ITPR1: variants seen among roughly 807,000 people sequenced by gnomAD.
ITPR1 encodes the protein inositol 1,4,5-trisphosphate-gated calcium channel ITPR1.
Under a neutral mutation model 318.4 loss-of-function variants are expected in ITPR1, and 96 were observed. The ratio of observed to expected loss-of-function variants is 0.30; its 90% CI spans 0.26 to 0.36. The LOEUF (loss-of-function observed/expected upper bound fraction) is 0.36, where lower values mean the gene tolerates loss of function less well. ITPR1 is among the 10% of genes least tolerant of loss of function. The pLI, the probability that ITPR1 is intolerant of heterozygous loss-of-function variation, is 1.00. For missense variants in ITPR1, 2,440 were observed against 3,460.2 expected (o/e 0.71, Z 7.40); for synonymous variants, 1,312 against 1,289.9 (o/e 1.02, Z -0.37).
At position 4,811,253 on chromosome 3, in the gene ITPR1, T is replaced by A; in HGVS notation, c.7273-12T>A. The A allele has an allele frequency of 6.5e-7, 1 of 1,534,072 alleles. No homozygotes were observed. Among genetic ancestry groups the A allele is most frequent in the African/African-American group, 1.4e-5 (1 of 71,972 alleles). On this transcript the variant is annotated splice_polypyrimidine_tract_variant and intron_variant, in intron 55 of 61. Transcript: ENST00000649015. ...CAAGGCTTCTTAAAATTCTTTTTGT[T>A]TGTTTTCAAAGCTTTTTGATTTAGT...
chr3:4,512,327 C>T (rs999401393), intron 2 of ITPR1, among the ~76,000 whole-genome samples: 1 of 152,118 alleles, frequency 6.6e-6, no homozygotes, highest in Non-Finnish European at 1.5e-5. Context: ...CCCAGTGAGA[C>T]CATCCATAGG....
chr3:4,745,844 G>C (rs1443968503), intron 44 of ITPR1, among the ~76,000 whole-genome samples: 1 of 152,110 alleles, frequency 6.6e-6, no homozygotes, highest in African/African-American at 2.4e-5. Flanking sequence ...GCCCTCTCGT[G>C]TTCCATAGCT....
intron 61 of ITPR1, among the ~76,000 whole-genome samples, chr3:4,841,613 G>A (rs1357341089): frequency 6.6e-6 from 1 of 152,210 alleles, no homozygotes; most frequent in Non-Finnish European, 1.5e-5. Flanking sequence ...AATTAAACTT[G>A]GTGAGTGTGT....
intron 6 of ITPR1, among the ~76,000 whole-genome samples, chr3:4,641,446 G>A (rs952592079): frequency 3.3e-5 from 5 of 152,034 alleles, no homozygotes; most frequent in South Asian, 2.1e-4. Context: ...GTGTGATTTC[G>A]GCTCACTGTA....
intron 5 of ITPR1, among the ~76,000 whole-genome samples, chr3:4,637,919 C>A (rs574855916): frequency 2.0e-5 from 3 of 152,038 alleles, no homozygotes; most frequent in Admixed American, 2.0e-4. Flanking sequence ...TAGAAAGTAG[C>A]GTATAATAAT....
intron 23 of ITPR1, 54 bp from the exon 24 acceptor site, chr3:4,676,560 C>T (rs2094189349): frequency 7.0e-7 from 1 of 1,426,668 alleles, no homozygotes; most frequent in Non-Finnish European, 9.8e-7. Context: ...TGACATATGC[C>T]TCTGAGCATT....
intron 4 of ITPR1, among the ~76,000 whole-genome samples, chr3:4,583,423 C>T (rs769389259): frequency 2.0e-4 from 31 of 152,070 alleles, no homozygotes; most frequent in Non-Finnish European, 4.1e-4. Context: ...TTAGCAGCTT[C>T]GTGGGTTTGA....
chr3:4,674,204 A>T lies in ITPR1; in HGVS notation c.2459A>T (p.Tyr820Phe). The change falls in exon 22 of 62, where the codon TAT (tyrosine) becomes TTT (phenylalanine). Residue 820 changes from tyrosine to phenylalanine, a missense_variant and splice_region_variant. Physicochemically the swap from Tyr to Phe is conservative, Grantham distance 22. Coordinates refer to ENST00000649015, the MANE Select transcript of ITPR1 (RefSeq NM_001378452.1). ...CTTTCTTTCTCCTTTCTTTTCAGCTATGATAGTAGTGGAGCTTCCAAAGAT... is the reference window on the plus strand; with the variant it reads ...CTTTCTTTCTCCTTTCTTTTCAGCTTTGATAGTAGTGGAGCTTCCAAAGAT... ...EIPSEIAIDD[Y>F]DSSGASKDEI... is the part of the protein sequence containing the mutation. 1 of 1,543,216 alleles carries T rather than the reference A, an allele frequency of 6.5e-7. No homozygotes were observed. The highest frequency in any genetic ancestry group is 8.7e-7 in the Non-Finnish European group (1 of 1,144,910).
rs375233507 is a variant in ITPR1, at chr3:4,699,958, G to A, written c.4536+17G>A. The A allele has an allele frequency of 2.1e-5, 34 of 1,609,274 alleles. No individual in the cohort carries two copies. Among genetic ancestry groups the A allele is most frequent in the South Asian group, 3.3e-5 (3 of 90,794 alleles). On this transcript the variant is annotated intron_variant, in intron 35 of 61. Transcript: ENST00000649015. ...ACTTTGCAGGTAAGAAATAACCAAC[G>A]TCAAGCAGAATGTTCACGATACACC...
intron 60 of ITPR1, among the ~76,000 whole-genome samples, chr3:4,832,724 G>A (rs1406026600): frequency 2.0e-5 from 3 of 152,196 alleles, no homozygotes; most frequent in Non-Finnish European, 4.4e-5. Context: ...GATTAAAATG[G>A]ATATTGTACA....
chr3:4,822,475 G>A (rs1020146562), intron 60 of ITPR1, among the ~76,000 whole-genome samples: 5 of 152,148 alleles, frequency 3.3e-5, no homozygotes, highest in Admixed American at 3.3e-4. Flanking sequence ...GTTGAGGCAG[G>A]GCATGGTTGA....
Position 4,634,833 on chromosome 3 carries a change from G to C in ITPR1, c.280-4551G>C, listed in dbSNP as rs569751173. On this transcript the variant is annotated intron_variant, in intron 5 of 61. Transcript: ENST00000649015. ...GGCTCACTGCAACCTCCACCTCCTGGGTTCAAGTGATTCTCCTGCCTCAGC... is the reference window on the plus strand; with the variant it reads ...GGCTCACTGCAACCTCCACCTCCTGCGTTCAAGTGATTCTCCTGCCTCAGC... Among the ~76,000 whole-genome samples, 4 of 152,242 alleles carry C rather than the reference G, an allele frequency of 2.6e-5. No homozygotes were observed. The South Asian group carries it at 8.3e-4, about 32-fold the overall frequency.
chr3:4,691,525 G>C (rs1267633180), intron 32 of ITPR1, among the ~76,000 whole-genome samples, 181 bp downstream of exon 32: 1 of 152,180 alleles, frequency 6.6e-6, no homozygotes, highest in Non-Finnish European at 1.5e-5. Context: ...ATATAGGCAA[G>C]AATCTGATCT....
chr3:4,822,793 C>G (rs564956580), intron 60 of ITPR1, among the ~76,000 whole-genome samples: 1 of 152,284 alleles, frequency 6.6e-6, no homozygotes, highest in East Asian at 1.9e-4. Flanking sequence ...CCCCGAGATG[C>G]AATCTCATAT....
intron 4 of ITPR1, among the ~76,000 whole-genome samples, chr3:4,580,102 C>A (rs187480878): frequency 6.6e-6 from 1 of 151,846 alleles, no homozygotes; most frequent in Non-Finnish European, 1.5e-5. Context: ...CCCAGCTACC[C>A]GGGAGGCTGA....
intron 16 of ITPR1, among the ~76,000 whole-genome samples, chr3:4,663,616 G>C (rs2093884998): frequency 6.6e-6 from 1 of 152,160 alleles, no homozygotes; most frequent in South Asian, 2.1e-4. Flanking sequence ...ATCACAGTGA[G>C]ACATTTGTGA....
At chr3:4,709,394 T>C (rs1358937414) in intron 37 of ITPR1, among the ~76,000 whole-genome samples, 1 of 152,244 alleles carries the variant, frequency 6.6e-6, no homozygotes, top group Non-Finnish European at 1.5e-5. Context: ...GTCATTAGTT[T>C]CTGGATGAAA....
intron 61 of ITPR1, among the ~76,000 whole-genome samples, chr3:4,844,644 G>C (rs1248121351): frequency 6.6e-6 from 1 of 152,200 alleles, no homozygotes; most frequent in African/African-American, 2.4e-5. Flanking sequence ...TCTCCTTCCT[G>C]AGCCGAATCT....
At chr3:4,613,649 C>T (rs532652557) in intron 4 of ITPR1, among the ~76,000 whole-genome samples, 1 of 152,098 alleles carries the variant, frequency 6.6e-6, no homozygotes, top group Non-Finnish European at 1.5e-5. Context: ...CAAACCCTGA[C>T]AAAACAAAGC....
Sources: gnomAD v4.1 joint callset for allele counts (sites outside exome capture counted in the v4.1 genomes callset) on GRCh38, gnomAD v4.1.1 for gene constraint, MANE v1.5 for transcripts, NCBI Gene and HGNC (gene_info 2026-07-23, HGNC 2026-07-21) for gene names.